FHIT: variants seen among roughly 807,000 people sequenced by gnomAD.
The protein encoded by FHIT is fragile histidine triad diadenosine triphosphatase, also known as bis(5'-adenosyl)-triphosphatase.
FHIT carries 19 observed loss-of-function variants against 17.9 expected under a neutral mutation model. That is an observed-to-expected ratio of 1.06 (90% CI 0.74 to 1.56). The LOEUF is 1.56. FHIT is among the 40% of genes most tolerant of loss of function. FHIT has a pLI of 0.00. For synonymous variants in FHIT, 81 were observed against 69.7 expected (o/e 1.16, Z -0.81); for missense variants, 248 against 189.2 (o/e 1.31, Z -1.82).
chr3:59,773,569 C>T (rs78375947), intron 8 of FHIT, among the ~76,000 whole-genome samples: 2 of 152,198 alleles, frequency 1.3e-5, no homozygotes, highest in East Asian at 3.8e-4. Flanking sequence ...CCCTCTGGGT[C>T]TCAATTTCCA....
chr3:60,558,123 T>G (rs1484107508), intron 4 of FHIT, among the ~76,000 whole-genome samples: 2 of 152,116 alleles, frequency 1.3e-5, no homozygotes, highest in Non-Finnish European at 2.9e-5. Flanking sequence ...TGTGTCGTCT[T>G]TGCCTTTGTG....
chr3:59,765,309 T>C (rs1559585032), intron 8 of FHIT, among the ~76,000 whole-genome samples: 1 of 152,214 alleles, frequency 6.6e-6, no homozygotes, highest in Non-Finnish European at 1.5e-5. Flanking sequence ...CAGACACAAA[T>C]ATTTGAAAAT....
Position 60,531,440 on chromosome 3 carries a change from G to A in FHIT, c.103+5420C>T, listed in dbSNP as rs566028787. ...ACTACAGGCGCCCGCTACCACGCCC[G>A]GCTAATTTTTTGTATTTTTAGTAGA... On this transcript the variant is annotated intron_variant, in intron 5 of 9. Coordinates refer to ENST00000492590, the MANE Select transcript of FHIT (RefSeq NM_002012.4). Among the ~76,000 whole-genome samples, 767 of 151,810 alleles carry A rather than the reference G, an allele frequency of 5.1e-3. 9 individuals are homozygous for A. The highest frequency in any genetic ancestry group is 0.017 in the African/African-American group (720 of 41,412).
At chr3:60,161,755 T>C (rs1233339928) in intron 5 of FHIT, among the ~76,000 whole-genome samples, 1 of 151,282 alleles carries the variant, frequency 6.6e-6, no homozygotes, top group Non-Finnish European at 1.5e-5. Context: ...GTCTACTACA[T>C]GAAAGGAAAA....
chr3:60,811,064 ATAACATC>A, intron 4 of FHIT, among the ~76,000 whole-genome samples: 1 of 152,324 alleles, frequency 6.6e-6, no homozygotes. Flanking sequence ...AACATGGACA[ATAACATC>A]TGCTTTGTAT....
chr3:60,181,244 C>T (rs1026643848), intron 5 of FHIT, among the ~76,000 whole-genome samples: 3 of 148,788 alleles, frequency 2.0e-5, no homozygotes, highest in African/African-American at 7.5e-5. Context: ...CTCCTGGGTT[C>T]AAGCGATTCT....
chr3:59,873,208 T>C (rs989841089), intron 8 of FHIT, among the ~76,000 whole-genome samples: 1 of 152,162 alleles, frequency 6.6e-6, no homozygotes, highest in Non-Finnish European at 1.5e-5. Flanking sequence ...TTTAAACCCA[T>C]GCCAAAATCA....
At chr3:60,809,197 T>C (rs1472516541) in intron 4 of FHIT, among the ~76,000 whole-genome samples, 1 of 152,196 alleles carries the variant, frequency 6.6e-6, no homozygotes, top group Non-Finnish European at 1.5e-5. Context: ...TATTGACATA[T>C]CATTAAATAT....
intron 3 of FHIT, among the ~76,000 whole-genome samples, chr3:61,000,359 C>G (rs1280533990): frequency 2.0e-5 from 3 of 152,184 alleles, no homozygotes; most frequent in Non-Finnish European, 4.4e-5. Flanking sequence ...CACCTTTAAG[C>G]TTTTAATCTT....
At chr3:60,651,346 A>G (rs2107807195) in intron 4 of FHIT, among the ~76,000 whole-genome samples, 1 of 152,234 alleles carries the variant, frequency 6.6e-6, no homozygotes, top group South Asian at 2.1e-4. Context: ...CTTTTTCAGT[A>G]AAACATATTT....
At chr3:60,597,070 T>G (rs1350766839) in intron 4 of FHIT, among the ~76,000 whole-genome samples, 1 of 152,168 alleles carries the variant, frequency 6.6e-6, no homozygotes, top group Non-Finnish European at 1.5e-5. Flanking sequence ...TTCCTGTGCT[T>G]ATGGACAACG....
chr3:60,589,852 A>T (rs2038026465), intron 4 of FHIT, among the ~76,000 whole-genome samples: 1 of 152,104 alleles, frequency 6.6e-6, no homozygotes, highest in Admixed American at 6.6e-5. Flanking sequence ...GTAACTTGGC[A>T]GCTATATTTC....
intron 5 of FHIT, among the ~76,000 whole-genome samples, chr3:60,053,737 G>A (rs1701975972): frequency 6.6e-6 from 1 of 151,960 alleles, no homozygotes; most frequent in African/African-American, 2.4e-5. Context: ...CACTTTGGCT[G>A]TGCCTCCTTG....
chr3:61,199,556 A>AAT (rs2038955361), intron 2 of FHIT, among the ~76,000 whole-genome samples: 1 of 152,186 alleles, frequency 6.6e-6, no homozygotes, highest in Admixed American at 6.5e-5. Flanking sequence ...TTTATAACTC[A>AAT]TATTTTTATT....
intron 8 of FHIT, among the ~76,000 whole-genome samples, chr3:59,905,690 C>T (rs1336135474): frequency 2.6e-5 from 4 of 151,998 alleles, no homozygotes; most frequent in Non-Finnish European, 1.5e-5. Flanking sequence ...TATTATAAAG[C>T]CACAGTGAGT....
rs373451013 is a variant in FHIT, at chr3:59,812,249, G to C, written c.349-59928C>G. On this transcript the variant is annotated intron_variant, in intron 8 of 9. Coordinates refer to ENST00000492590, the MANE Select transcript of FHIT (RefSeq NM_002012.4). ...AATGTCATGGAACCCTGATACAGAA[G>C]GTCTAAACAGGGTCTGAGGCCCTCC... Among the ~76,000 whole-genome samples the C allele has an allele frequency of 6.6e-5, 10 of 152,286 alleles. No individual in the cohort carries two copies. In the South Asian group the frequency reaches 2.1e-3, roughly 32 times the overall value.
At chr3:60,446,752 C>T (rs553884245) in intron 5 of FHIT, among the ~76,000 whole-genome samples, 2 of 151,936 alleles carry the variant, frequency 1.3e-5, no homozygotes, top group East Asian at 3.9e-4. Context: ...ATTCAGGAGG[C>T]TGAGGTGGGA....
chr3:60,482,377 A>G (rs926410638), intron 5 of FHIT, among the ~76,000 whole-genome samples: 12 of 152,174 alleles, frequency 7.9e-5, no homozygotes, highest in African/African-American at 2.4e-4. Flanking sequence ...AACAGAATAC[A>G]CATTCTTCTC....
chr3:61,249,933 A>AACACACACACACAC (rs71100943), intron 1 of FHIT, among the ~76,000 whole-genome samples: 8 of 126,048 alleles, frequency 6.3e-5, no homozygotes, highest in Admixed American at 1.5e-4. Flanking sequence ...AATCAATAAC[A>AACACACACACACAC]ACACACACAC....
Sources: gnomAD v4.1 joint callset for allele counts (sites outside exome capture counted in the v4.1 genomes callset) on GRCh38, gnomAD v4.1.1 for gene constraint, MANE v1.5 for transcripts, NCBI Gene and HGNC (gene_info 2026-07-23, HGNC 2026-07-21) for gene names.